The following DENND3 variants were observed in gnomAD, a reference collection of about 807,000 sequenced individuals.
The protein encoded by DENND3 is DENN domain containing 3, also known as DENN domain-containing protein 3.
In DENND3, 88 loss-of-function variants were observed where a neutral mutation model predicts 135.1. The ratio of observed to expected loss-of-function variants is 0.65; its 90% CI spans 0.55 to 0.78. The LOEUF is 0.78. Ranked by LOEUF, DENND3 falls within the 30% of genes least tolerant of loss-of-function variation. The pLI, the probability that DENND3 is intolerant of heterozygous loss-of-function variation, is 0.00. For synonymous variants in DENND3, 693 were observed against 712.3 expected (o/e 0.97, Z 0.43); for missense variants, 1,392 against 1,688.4 (o/e 0.82, Z 3.08).
chr8:141,166,190 A>C lies in DENND3; in HGVS notation c.1554A>C (p.Arg518Ser). The C allele has an allele frequency of 6.2e-7, 1 of 1,614,160 alleles. No individual in the cohort carries two copies. Among genetic ancestry groups the C allele is most frequent in the Non-Finnish European group, 8.5e-7 (1 of 1,180,018 alleles). ...AACGCGTTGCTTTTTCGTACCCCAG[A>C]ATAAATGGAATGCTTCTAAGTCCAA... ...MDLDTQSEED[R>S]INGMLLSPRR... is the part of the protein sequence containing the mutation. Residue 518 changes from arginine (R) to serine (S), a missense_variant and splice_region_variant, in exon 12 of 23, where the codon AGA (arginine) becomes AGC (serine). By Grantham distance (110) the Arg-to-Ser change is moderately radical. Transcript: ENST00000519811. This position sits in a 1 kb window ranked among gnomAD's most constrained non-coding sequence, Gnocchi z 4.3.
At chr8:141,145,819 A>ATTTT (rs1817970793) in intron 5 of DENND3, among the ~76,000 whole-genome samples, 1 of 29,382 alleles carries the variant, frequency 3.4e-5, no homozygotes. Flanking sequence ...ATATATATAT[A>ATTTT]TATATATATA....
At chr8:141,186,067 T>G (rs933153574) in intron 18 of DENND3, among the ~76,000 whole-genome samples, 38 of 151,686 alleles carry the variant, frequency 2.5e-4, no homozygotes, top group South Asian at 6.3e-4. Context: ...GTCTCCTGAG[T>G]AACTGGGACT....
At position 141,136,661 on chromosome 8, in the gene DENND3, A is replaced by G. The variant is rs775301483; in HGVS notation, c.255A>G (p.Arg85=). 1.0e-4 allele frequency: 163 copies of G among 1,612,914 alleles called. No homozygotes were observed. The Admixed American group carries it at 2.5e-3, about 24-fold the overall frequency. The part of the protein sequence containing the change: ...TLGKTRMRSL[R]KKREKPRPEQ... ...GTAAAACCCGGATGCGCTCCTTGAG[A>G]AAGAAGAGAGAGAAGCCCAGACCAG... Residue 85 remains arginine, a synonymous_variant, in exon 2 of 23, where the codon AGA becomes AGG. Transcript: ENST00000519811.
chr8:141,156,207 C>T (rs1819413502), intron 8 of DENND3, among the ~76,000 whole-genome samples: 1 of 152,110 alleles, frequency 6.6e-6, no homozygotes, highest in South Asian at 2.1e-4. Context: ...TCAAGCGATT[C>T]TCCTGCCTCA....
intron 19 of DENND3, 115 bp downstream of exon 19, chr8:141,189,261 T>G: frequency 7.2e-7 from 1 of 1,391,470 alleles, no homozygotes; most frequent in Admixed American, 2.2e-5. Context: ...GCGTACAGAG[T>G]GAAGTGGATC....
intron 17 of DENND3, 189 bp from the exon 18 acceptor site, chr8:141,184,950 T>A: frequency 1.6e-6 from 1 of 622,134 alleles, no homozygotes; most frequent in Non-Finnish European, 2.6e-6. Context: ...ACCAGCCAGC[T>A]GCCCCCCTTG....
In DENND3 at chr8:141,182,866, A is replaced by T. The variant is rs1157705931; in HGVS notation, c.2944+2012A>T. Among the ~76,000 whole-genome samples, 1 of 152,226 alleles carries T rather than the reference A, an allele frequency of 6.6e-6. No homozygotes were observed. Among genetic ancestry groups the T allele is most frequent in the Non-Finnish European group, 1.5e-5 (1 of 68,028 alleles). ...CCACAGGTCAGCTCAGGCTCTGCCC[A>T]TGGGGAGCGTGCCTCTCAGAGACGG... is the stretch of plus-strand genomic sequence containing the variant. On this transcript the variant is annotated intron_variant, in intron 17 of 22. Transcript: ENST00000519811. The surrounding 1 kb of genome is among the most constrained non-coding windows in gnomAD (Gnocchi z 5.9).
chr8:141,159,796 A>G, intron 8 of DENND3, among the ~76,000 whole-genome samples: 1 of 152,228 alleles, frequency 6.6e-6, no homozygotes, highest in Admixed American at 6.5e-5. Flanking sequence ...ATGGTGGCTC[A>G]GGGTTGACAG....
intron 13 of DENND3, among the ~76,000 whole-genome samples, chr8:141,173,219 A>T (rs1157978997): frequency 1.3e-5 from 2 of 152,280 alleles, no homozygotes; most frequent in African/African-American, 4.8e-5. Context: ...CCACTGGGCC[A>T]CAGCATCCTC....
intron 8 of DENND3, among the ~76,000 whole-genome samples, chr8:141,156,565 TTCAC>T (rs1819457310): frequency 2.0e-5 from 3 of 151,792 alleles, no homozygotes; most frequent in South Asian, 2.1e-4. Flanking sequence ...CATTCATTCA[TTCAC>T]TCATTCATTC....
At chr8:141,157,160 A>AG (rs1342078927) in intron 8 of DENND3, among the ~76,000 whole-genome samples, 9 of 152,172 alleles carry the variant, frequency 5.9e-5, no homozygotes, top group African/African-American at 1.9e-4. Flanking sequence ...GGCTTAGATC[A>AG]GGCGTCAGCA....
rs200775821 is a variant in DENND3 at position 141,171,295 on chromosome 8, A to G, written c.2275+2770A>G. Reference sequence around the variant, plus strand: ...GAATACATCAGAGATTTTATTGAAAAATATATTGCAATTTCATCATTACAT... The same window carrying G: ...GAATACATCAGAGATTTTATTGAAAGATATATTGCAATTTCATCATTACAT... On this transcript the variant is annotated intron_variant, in intron 13 of 22. Coordinates refer to ENST00000519811, the MANE Select transcript of DENND3 (RefSeq NM_001352890.3). Among the ~76,000 whole-genome samples the G allele has an allele frequency of 2.4e-4, 37 of 152,350 alleles. No individual in the cohort carries two copies. The East Asian group carries it at 6.7e-3, about 28-fold the overall frequency.
chr8:141,153,551 C>A (rs546602649), intron 7 of DENND3, among the ~76,000 whole-genome samples: 2 of 152,350 alleles, frequency 1.3e-5, no homozygotes, highest in Admixed American at 1.3e-4. Flanking sequence ...GATGCTTCCC[C>A]CACAAGTGTT....
At chr8:141,151,270 G>A (rs1006843658) in intron 6 of DENND3, among the ~76,000 whole-genome samples, 1 of 152,166 alleles carries the variant, frequency 6.6e-6, no homozygotes, top group Non-Finnish European at 1.5e-5. Context: ...AATCAGAAGT[G>A]TGTACATGGG....
chr8:141,181,459 C>T (rs1401251937), intron 17 of DENND3, among the ~76,000 whole-genome samples: 1 of 152,210 alleles, frequency 6.6e-6, no homozygotes, highest in Non-Finnish European at 1.5e-5. Context: ...GACAAGGAGT[C>T]TGTGTGGCCC....
chr8:141,143,888 G>T, intron 4 of DENND3: 1 of 360,934 alleles, frequency 2.8e-6, no homozygotes, highest in Non-Finnish European at 5.0e-6. Context: ...CATGTAACTA[G>T]CACCCAGATG....
chr8:141,185,098 AGT>A, intron 17 of DENND3, 39 bp from the exon 18 acceptor site: 1 of 1,588,212 alleles, frequency 6.3e-7, no homozygotes, highest in Non-Finnish European at 8.6e-7. Context: ...CTACAGCAGA[AGT>A]GTTTCCTCCT....
At chr8:141,181,286 G>A (rs183107072) in intron 17 of DENND3, among the ~76,000 whole-genome samples, 2 of 152,346 alleles carry the variant, frequency 1.3e-5, no homozygotes, top group East Asian at 3.9e-4. Context: ...AGCCTCCCGA[G>A]TAGCTGGGAC....
intron 8 of DENND3, among the ~76,000 whole-genome samples, chr8:141,158,953 A>C (rs956229633): frequency 6.6e-6 from 1 of 152,242 alleles, no homozygotes; most frequent in Non-Finnish European, 1.5e-5. Context: ...TCCAGGTGGC[A>C]TCATAGCCCT....
Sources: gnomAD v4.1 joint callset for allele counts (sites outside exome capture counted in the v4.1 genomes callset) on GRCh38, gnomAD v4.1.1 for gene constraint, Gnocchi (gnomAD v3.1) non-coding constraint, MANE v1.5 for transcripts, NCBI Gene and HGNC (gene_info 2026-07-23, HGNC 2026-07-21) for gene names.